Variants in SNTB1 observed in about 807,000 individuals in gnomAD.
SNTB1 encodes beta-1-syntrophin.
A neutral mutation model predicts 48.9 loss-of-function variants in SNTB1; 36 were observed. The observed-to-expected ratio is 0.74, with a 90% CI of 0.56 to 0.97. The LOEUF is 0.97. SNTB1 is among the 50% of genes least tolerant of loss of function. SNTB1 has a pLI of 0.00. For missense variants in SNTB1, 786 were observed against 703.4 expected, an observed-to-expected ratio of 1.12 and a Z score of -1.33; for synonymous variants, 299 against 294.6, an observed-to-expected ratio of 1.01 and a Z score of -0.15.
At chr8:120,672,239 A>G (rs148603948) in intron 2 of SNTB1, among the ~76,000 whole-genome samples, 255 of 152,320 alleles carry the variant, frequency 1.7e-3, no homozygotes, top group African/African-American at 5.8e-3. Context: ...TCAACTTATG[A>G]TGGGCTTATC....
chr8:120,632,382 G>C, intron 3 of SNTB1, 62 bp downstream of exon 3: 3 of 1,448,014 alleles, frequency 2.1e-6, no homozygotes, highest in South Asian at 2.4e-5. Flanking sequence ...AGTTTTAGTG[G>C]TTATGAGCGC....
At chr8:120,644,284 G>T (rs990908264) in intron 2 of SNTB1, among the ~76,000 whole-genome samples, 36 of 150,368 alleles carry the variant, frequency 2.4e-4, no homozygotes, top group Non-Finnish European at 4.4e-4. Flanking sequence ...CTAGCATTAG[G>T]TATATCTCCC....
intron 3 of SNTB1, among the ~76,000 whole-genome samples, chr8:120,621,238 G>A (rs1009334099): frequency 3.9e-5 from 6 of 152,214 alleles, no homozygotes; most frequent in African/African-American, 1.2e-4. Context: ...GGGATTATAG[G>A]CGTGAGCCAC....
At chr8:120,742,029 G>A (rs1819049497) in intron 1 of SNTB1, among the ~76,000 whole-genome samples, 1 of 152,214 alleles carries the variant, frequency 6.6e-6, no homozygotes, top group Non-Finnish European at 1.5e-5. Flanking sequence ...TATAAACAAA[G>A]TTGAGGAAGT....
At chr8:120,686,071 A>T (rs72682541) in intron 2 of SNTB1, among the ~76,000 whole-genome samples, 17,640 of 152,188 alleles carry the variant, frequency 0.12, 2,178 homozygotes, top group African/African-American at 0.31. Flanking sequence ...CCATGGCCAC[A>T]TAAGATAATT....
intron 1 of SNTB1, among the ~76,000 whole-genome samples, chr8:120,799,135 C>T (rs902253862): frequency 1.3e-5 from 2 of 152,014 alleles, no homozygotes; most frequent in Non-Finnish European, 2.9e-5. Context: ...AGGGACTGAG[C>T]AACTAACAGT....
chr8:120,554,409 A>G (rs780968812), intron 4 of SNTB1, among the ~76,000 whole-genome samples: 21 of 152,208 alleles, frequency 1.4e-4, no homozygotes, highest in Non-Finnish European at 2.6e-4. Context: ...CATGACATCT[A>G]CAATAATCAT....
At chr8:120,759,807 T>C (rs1392048415) in intron 1 of SNTB1, among the ~76,000 whole-genome samples, 2 of 152,168 alleles carry the variant, frequency 1.3e-5, no homozygotes, top group East Asian at 3.9e-4. Flanking sequence ...GCCTAGAGTC[T>C]CCTTGAGAGA....
intron 2 of SNTB1, among the ~76,000 whole-genome samples, chr8:120,668,868 C>T (rs761325748): frequency 1.3e-5 from 2 of 152,152 alleles, no homozygotes; most frequent in African/African-American, 2.4e-5. Context: ...TACTTTATGC[C>T]GATGAGCTGT....
At chr8:120,742,513 G>A (rs1207628318) in intron 1 of SNTB1, among the ~76,000 whole-genome samples, 1 of 152,160 alleles carries the variant, frequency 6.6e-6, no homozygotes, top group Non-Finnish European at 1.5e-5. Flanking sequence ...GATGGCACCT[G>A]AGCATCCCTG....
intron 3 of SNTB1, among the ~76,000 whole-genome samples, chr8:120,576,103 C>A (rs1424209386): frequency 6.6e-6 from 1 of 152,200 alleles, no homozygotes; most frequent in Non-Finnish European, 1.5e-5. Flanking sequence ...GTTCCAGTAG[C>A]ATCAGCATCA....
intron 2 of SNTB1, among the ~76,000 whole-genome samples, chr8:120,686,652 A>G (rs1818039564): frequency 6.6e-6 from 1 of 152,118 alleles, no homozygotes; most frequent in African/African-American, 2.4e-5. Flanking sequence ...AATCAGAGAG[A>G]TTGGATAATT....
chr8:120,692,050 C>T (rs987164724), intron 2 of SNTB1, among the ~76,000 whole-genome samples: 2 of 152,172 alleles, frequency 1.3e-5, no homozygotes. Flanking sequence ...GCTCTGTGTC[C>T]TTCCCAGTCT....
At chr8:120,597,732 A>G (rs1219233173) in intron 3 of SNTB1, among the ~76,000 whole-genome samples, 3 of 152,354 alleles carry the variant, frequency 2.0e-5, no homozygotes, top group African/African-American at 4.8e-5. Flanking sequence ...TGATCTGTGC[A>G]TTGCAGACTG....
chr8:120,601,477 C>A (rs563039562), intron 3 of SNTB1, among the ~76,000 whole-genome samples: 1 of 152,242 alleles, frequency 6.6e-6, no homozygotes, highest in Admixed American at 6.5e-5. Context: ...ATCTCTAATC[C>A]AGTTGAGAGT....
chr8:120,693,799 T>C lies in SNTB1; in HGVS notation c.681A>G (p.Ser227=). 1 of 1,614,094 alleles carries C rather than the reference T, an allele frequency of 6.2e-7. No homozygotes were observed. The highest frequency in any genetic ancestry group is 1.3e-5 in the African/African-American group (1 of 75,064). Residue 227 remains serine, a synonymous_variant, in exon 2 of 7, where the codon TCA becomes TCG. Transcript: ENST00000517992. ...AGAAGGACTGCGATGACGGGGGGTCTGAGGTGCTGCCCCCTAACCGAGGGG... is the reference window on the plus strand; with the variant it reads ...AGAAGGACTGCGATGACGGGGGGTCCGAGGTGCTGCCCCCTAACCGAGGGG... ...PESPRLGGST[S]DPPSSQSFSF... is the part of the protein sequence containing the mutation.
intron 2 of SNTB1, among the ~76,000 whole-genome samples, chr8:120,659,883 A>G (rs1817562359): frequency 6.6e-6 from 1 of 152,212 alleles, no homozygotes. Context: ...AACAACATTA[A>G]TCTCCTTGTA....
At chr8:120,749,614 G>T (rs1433455534) in intron 1 of SNTB1, among the ~76,000 whole-genome samples, 1 of 151,976 alleles carries the variant, frequency 6.6e-6, no homozygotes, top group Non-Finnish European at 1.5e-5. Flanking sequence ...GAGTTTTTTG[G>T]TTATTGAGAA....
chr8:120,791,413 G>A (rs1820033625), intron 1 of SNTB1, among the ~76,000 whole-genome samples: 1 of 151,692 alleles, frequency 6.6e-6, no homozygotes, highest in South Asian at 2.1e-4. Context: ...CTAAAACCCC[G>A]AAAGCAAATA....
Sources: gnomAD v4.1 joint callset for allele counts (sites outside exome capture counted in the v4.1 genomes callset) on GRCh38, gnomAD v4.1.1 for gene constraint, MANE v1.5 for transcripts, NCBI Gene and HGNC (gene_info 2026-07-23, HGNC 2026-07-21) for gene names.